The following STPG2 variants were observed in gnomAD, a reference collection of about 807,000 sequenced individuals.
STPG2 encodes sperm-tail PG-rich repeat-containing protein 2.
In STPG2, 56 loss-of-function variants were observed where a neutral mutation model predicts 54.2. The observed-to-expected ratio is 1.03, with a 90% CI of 0.83 to 1.29. The LOEUF is 1.29. STPG2 is among the 50% of genes most tolerant of loss of function. The pLI is 0.00. For synonymous variants in STPG2, 200 were observed against 181.8 expected, an observed-to-expected ratio of 1.10 and a Z score of -0.81; for missense variants, 596 against 544.9, an observed-to-expected ratio of 1.09 and a Z score of -0.93.
intron 9 of STPG2, among the ~76,000 whole-genome samples, chr4:97,791,153 G>A (rs896530267): frequency 5.3e-5 from 8 of 152,144 alleles, no homozygotes; most frequent in African/African-American, 1.7e-4. Context: ...GGTAAGGTAT[G>A]AGAGCTTTTT....
At chr4:98,045,444 T>C (rs944899386) in intron 5 of STPG2, among the ~76,000 whole-genome samples, 1 of 152,202 alleles carries the variant, frequency 6.6e-6, no homozygotes, top group Non-Finnish European at 1.5e-5. Flanking sequence ...ATAAACTTCA[T>C]GTACTTAAAG....
At chr4:97,469,894 G>A (rs1403890672) in intron 4 of STPG2, among the ~76,000 whole-genome samples, 2 of 152,096 alleles carry the variant, frequency 1.3e-5, no homozygotes, top group African/African-American at 2.4e-5. Context: ...GTGAGAGAGC[G>A]ACTGGAGAGA....
chr4:97,798,857 C>G lies in STPG2; in HGVS notation c.1204+41916G>C, dbSNP rs1211519201. 1.0e-4 allele frequency among the ~76,000 whole-genome samples: 4 copies of G among 38,966 alleles called. No homozygotes were observed. In the South Asian group the frequency reaches 2.5e-3, roughly 25 times the overall value. 25.6% of individuals were successfully genotyped at this position (38,966 alleles called of 152,430 possible). On this transcript the variant is annotated intron_variant, in intron 9 of 10. Transcript: ENST00000295268. ...GTCTCTAAGGACTTGCTTTATGAAC[C>G]TGGGTGCTCCTGTATTGGGTGCATA...
chr4:97,739,540 T>C (rs1456369830), intron 9 of STPG2, among the ~76,000 whole-genome samples: 18 of 152,136 alleles, frequency 1.2e-4, no homozygotes, highest in Middle Eastern at 3.4e-3. Flanking sequence ...ATATCACCAC[T>C]GGTCCCACAG....
intron 10 of STPG2, among the ~76,000 whole-genome samples, chr4:97,694,281 T>C (rs1454441990): frequency 6.6e-6 from 1 of 151,944 alleles, no homozygotes; most frequent in Admixed American, 6.6e-5. Flanking sequence ...GTGAGATTAA[T>C]CAAGAAGATA....
chr4:97,546,157 A>T (rs1303036078), intron 4 of STPG2, among the ~76,000 whole-genome samples: 1 of 152,064 alleles, frequency 6.6e-6, no homozygotes, highest in Admixed American at 6.6e-5. Context: ...AAAATGAGGC[A>T]TACTTTATGA....
intron 4 of STPG2, among the ~76,000 whole-genome samples, chr4:97,542,825 A>G (rs549570351): frequency 2.0e-5 from 3 of 152,326 alleles, no homozygotes; most frequent in East Asian, 3.9e-4. Flanking sequence ...TTGTAGGGAC[A>G]TAGATGAAGC....
chr4:97,566,436 G>A (rs1732444535), intron 10 of STPG2, among the ~76,000 whole-genome samples: 2 of 152,164 alleles, frequency 1.3e-5, no homozygotes, highest in Admixed American at 6.5e-5. Context: ...ATGGCGTGCT[G>A]CACCCACTGT....
At chr4:98,073,924 T>C (rs1301617663) in intron 5 of STPG2, among the ~76,000 whole-genome samples, 1 of 152,132 alleles carries the variant, frequency 6.6e-6, no homozygotes, top group Non-Finnish European at 1.5e-5. Flanking sequence ...TAAAGGAGAA[T>C]AATATCAGAA....
At chr4:97,523,930 T>G (rs1215221842) in intron 4 of STPG2, among the ~76,000 whole-genome samples, 1 of 151,864 alleles carries the variant, frequency 6.6e-6, no homozygotes, top group African/African-American at 2.4e-5. Context: ...ATAATCACAG[T>G]GATGAGTACA....
intron 10 of STPG2, among the ~76,000 whole-genome samples, chr4:97,595,710 GC>G: frequency 6.6e-6 from 1 of 152,166 alleles, no homozygotes; most frequent in Non-Finnish European, 1.5e-5. Context: ...TTTCAAGTAA[GC>G]AAATGCTAAG....
intron 4 of STPG2, among the ~76,000 whole-genome samples, chr4:97,445,549 G>C (rs999817349): frequency 6.6e-6 from 1 of 152,040 alleles, no homozygotes; most frequent in African/African-American, 2.4e-5. Context: ...TATTATTAAT[G>C]AGATATTTTA....
chr4:97,825,033 T>G (rs919088097), intron 9 of STPG2, among the ~76,000 whole-genome samples: 58 of 144,500 alleles, frequency 4.0e-4, no homozygotes, highest in Non-Finnish European at 7.2e-4. Flanking sequence ...AATTTAAAAG[T>G]TTTTTTTTTA....
In STPG2 at chr4:98,143,452, C is replaced by T. The variant is rs1419488025; in HGVS notation, c.-302G>A. ...CCAAAATTGGGTATTAGGGATTAGA[C>T]GCTCGCCCCGGTGCTTCCGGCCCTG... is the stretch of plus-strand genomic sequence containing the variant. On this transcript the variant is annotated 5_prime_UTR_variant, in exon 1 of 11. Transcript: ENST00000295268. 6.6e-6 allele frequency among the ~76,000 whole-genome samples: 1 copy of T among 152,160 alleles called. No individual in the cohort carries two copies. The highest frequency in any genetic ancestry group is 1.5e-5 in the Non-Finnish European group (1 of 68,026).
At chr4:97,729,582 C>A (rs536089154) in intron 9 of STPG2, among the ~76,000 whole-genome samples, 4 of 152,268 alleles carry the variant, frequency 2.6e-5, no homozygotes, top group Non-Finnish European at 5.9e-5. Context: ...GGGAGGAGTT[C>A]TTTCCCCTAT....
At chr4:97,678,529 A>G (rs1253523967) in intron 10 of STPG2, among the ~76,000 whole-genome samples, 1 of 152,110 alleles carries the variant, frequency 6.6e-6, no homozygotes, top group Non-Finnish European at 1.5e-5. Flanking sequence ...TACAGCCTAG[A>G]TACTTTTTTC....
chr4:97,469,161 G>A (rs1169588602), intron 4 of STPG2, among the ~76,000 whole-genome samples: 5 of 152,038 alleles, frequency 3.3e-5, no homozygotes, highest in African/African-American at 9.7e-5. Context: ...ATGGTATTCA[G>A]GTAGTGCTAT....
intron 4 of STPG2, among the ~76,000 whole-genome samples, chr4:97,472,148 T>C (rs1729952345): frequency 6.6e-6 from 1 of 152,170 alleles, no homozygotes; most frequent in Non-Finnish European, 1.5e-5. Flanking sequence ...AGACAAACCA[T>C]TGCCCAGAAA....
chr4:97,723,542 A>G (rs1370343541), intron 9 of STPG2, among the ~76,000 whole-genome samples: 1 of 152,112 alleles, frequency 6.6e-6, no homozygotes, highest in Non-Finnish European at 1.5e-5. Context: ...TTACCTTTCC[A>G]TTTAGGTCTT....
Sources: gnomAD v4.1 joint callset for allele counts (sites outside exome capture counted in the v4.1 genomes callset) on GRCh38, gnomAD v4.1.1 for gene constraint, MANE v1.5 for transcripts, NCBI Gene and HGNC (gene_info 2026-07-23, HGNC 2026-07-21) for gene names.